Variants in FYN observed in about 807,000 individuals in gnomAD.
FYN encodes the protein tyrosine-protein kinase Fyn.
FYN carries 10 observed loss-of-function variants against 70.2 expected under a neutral mutation model. The observed-to-expected ratio is 0.14, with a 90% CI of 0.09 to 0.24. The LOEUF (loss-of-function observed/expected upper bound fraction) is 0.24, where lower values mean the gene tolerates loss of function less well. Ranked by LOEUF, FYN falls within the 10% of genes least tolerant of loss-of-function variation. The pLI, the probability that FYN is intolerant of heterozygous loss-of-function variation, is 1.00. For missense variants in FYN, 319 were observed against 673.1 expected (o/e 0.47, Z 5.82); for synonymous variants, 236 against 248.6 (o/e 0.95, Z 0.48).
At chr6:111,709,586 C>T (rs1800270834) in intron 5 of FYN, among the ~76,000 whole-genome samples, 1 of 152,190 alleles carries the variant, frequency 6.6e-6, no homozygotes, top group African/African-American at 2.4e-5. Flanking sequence ...CCTTTTTACC[C>T]TATTACAAAT....
chr6:111,870,769 G>C (rs1774247907), intron 1 of FYN, among the ~76,000 whole-genome samples: 1 of 152,220 alleles, frequency 6.6e-6, no homozygotes, highest in African/African-American at 2.4e-5. Flanking sequence ...GAGCAAGTCA[G>C]ATGGGGTTGG....
At chr6:111,721,199 G>A (rs544674609) in intron 3 of FYN, among the ~76,000 whole-genome samples, 4 of 152,216 alleles carry the variant, frequency 2.6e-5, no homozygotes, top group Non-Finnish European at 5.9e-5. Context: ...GCTTTCTGAA[G>A]TGCTCCCATG....
At chr6:111,669,534 T>C (rs991904132) in intron 13 of FYN, among the ~76,000 whole-genome samples, 28 of 148,960 alleles carry the variant, frequency 1.9e-4, no homozygotes, top group African/African-American at 6.9e-4. Flanking sequence ...GGGCACAGAA[T>C]AGCCAGGACA....
At chr6:111,766,009 C>T (rs1156745043) in intron 3 of FYN, among the ~76,000 whole-genome samples, 1 of 152,102 alleles carries the variant, frequency 6.6e-6, no homozygotes, top group Admixed American at 6.5e-5. Context: ...TTAGGCCTTT[C>T]TTGGGGGAAT....
intron 2 of FYN, chr6:111,793,708 A>C (rs1451553418): frequency 6.6e-6 from 1 of 152,260 alleles, no homozygotes; most frequent in Non-Finnish European, 1.5e-5. Context: ...GCTGTCCCCC[A>C]GTCTTGGGGC....
intron 10 of FYN, 110 bp downstream of exon 10, chr6:111,696,167 C>G (rs1447547406): frequency 2.1e-6 from 2 of 972,308 alleles, no homozygotes; most frequent in Admixed American, 2.9e-5. Context: ...AATGGGAATA[C>G]TTGACCCAGG....
At chr6:111,842,893 T>C (rs1773407927) in intron 2 of FYN, among the ~76,000 whole-genome samples, 1 of 152,210 alleles carries the variant, frequency 6.6e-6, no homozygotes, top group African/African-American at 2.4e-5. Flanking sequence ...ATGTACATTC[T>C]ACATTAACAG....
At chr6:111,688,884 AT>A (rs1448304363) in intron 12 of FYN, among the ~76,000 whole-genome samples, 7 of 152,334 alleles carry the variant, frequency 4.6e-5, no homozygotes, top group African/African-American at 1.7e-4. Context: ...CCCTTGGAGC[AT>A]GCAGGTATAT....
intron 1 of FYN, among the ~76,000 whole-genome samples, chr6:111,865,019 G>A (rs1376613578): frequency 6.6e-6 from 1 of 152,160 alleles, no homozygotes; most frequent in Non-Finnish European, 1.5e-5. Context: ...GGAGGAGTAG[G>A]TAGCTGTGGT....
chr6:111,721,235 A>T (rs1800922277), intron 3 of FYN, among the ~76,000 whole-genome samples: 1 of 151,794 alleles, frequency 6.6e-6, no homozygotes, highest in African/African-American at 2.4e-5. Context: ...TCCTTCTGGC[A>T]CCCTTGGCGC....
chr6:111,831,644 TATAA>T (rs1318056360), intron 2 of FYN, among the ~76,000 whole-genome samples: 1 of 152,238 alleles, frequency 6.6e-6, no homozygotes, highest in East Asian at 1.9e-4. Flanking sequence ...CTTATGTTAC[TATAA>T]ATAAATGTTG....
chr6:111,689,872 A>G (rs781628940), intron 12 of FYN, among the ~76,000 whole-genome samples: 3 of 152,146 alleles, frequency 2.0e-5, no homozygotes, highest in Non-Finnish European at 2.9e-5. Flanking sequence ...TGTACATAAA[A>G]ATTCATCGGG....
intron 3 of FYN, among the ~76,000 whole-genome samples, chr6:111,778,086 G>A (rs1046168474): frequency 6.6e-6 from 1 of 152,210 alleles, no homozygotes; most frequent in Non-Finnish European, 1.5e-5. Context: ...TGTGCTCCTC[G>A]TGGGCCAGAC....
At chr6:111,838,708 T>G (rs1773264383) in intron 2 of FYN, among the ~76,000 whole-genome samples, 1 of 152,256 alleles carries the variant, frequency 6.6e-6, no homozygotes, top group Admixed American at 6.5e-5. Flanking sequence ...CAGCCACAAC[T>G]GACCAAAAGA....
chr6:111,697,510 T>C (rs1183151876), intron 9 of FYN, among the ~76,000 whole-genome samples: 2 of 152,224 alleles, frequency 1.3e-5, no homozygotes, highest in Admixed American at 6.5e-5. Flanking sequence ...GTTAAAGACA[T>C]GGTTCATACA....
intron 1 of FYN, among the ~76,000 whole-genome samples, chr6:111,872,264 A>T (rs1220824242): frequency 2.6e-5 from 4 of 151,940 alleles, no homozygotes; most frequent in Non-Finnish European, 5.9e-5. Context: ...CCCAAACAAA[A>T]ACAGCCATGG....
intron 2 of FYN, among the ~76,000 whole-genome samples, chr6:111,824,280 CT>C (rs1233554229): frequency 1.3e-5 from 2 of 152,192 alleles, no homozygotes; most frequent in African/African-American, 2.4e-5. Context: ...CTGCTCTGGT[CT>C]CTTCATAGTC....
At chr6:111,833,846 C>T (rs1405304411) in intron 2 of FYN, among the ~76,000 whole-genome samples, 1 of 152,182 alleles carries the variant, frequency 6.6e-6, no homozygotes, top group Non-Finnish European at 1.5e-5. Context: ...TCTAGAAAAA[C>T]TGCAGCAGGA....
intron 3 of FYN, among the ~76,000 whole-genome samples, chr6:111,769,728 T>C (rs1380155991): frequency 6.6e-6 from 1 of 151,494 alleles, no homozygotes. Context: ...AAAGAATGAA[T>C]TAAAAAAAAA....
Sources: gnomAD v4.1 joint callset for allele counts (sites outside exome capture counted in the v4.1 genomes callset) on GRCh38, gnomAD v4.1.1 for gene constraint, MANE v1.5 for transcripts, NCBI Gene and HGNC (gene_info 2026-07-23, HGNC 2026-07-21) for gene names.